The following OLA1 variants were observed in gnomAD, a reference collection of about 807,000 sequenced individuals.
OLA1 encodes Obg like ATPase 1, also known as obg-like ATPase 1.
In OLA1, 14 loss-of-function variants were observed where a neutral mutation model predicts 48.4. The ratio of observed to expected loss-of-function variants is 0.29; its 90% CI spans 0.19 to 0.45. The LOEUF is 0.45. Among genes scored for constraint, OLA1 ranks in the 20% least tolerant of loss-of-function variants. The pLI, the probability that OLA1 is intolerant of heterozygous loss-of-function variation, is 1.00. For synonymous variants in OLA1, 127 were observed against 150.4 expected (o/e 0.84, Z 1.14); for missense variants, 325 against 467.1 (o/e 0.70, Z 2.80).
intron 5 of OLA1, among the ~76,000 whole-genome samples, chr2:174,128,171 TGG>T (rs1686088701): frequency 6.6e-6 from 1 of 151,958 alleles, no homozygotes; most frequent in South Asian, 2.1e-4. Flanking sequence ...GGCAGGAGGC[TGG>T]CTTGAGGCTA....
At chr2:174,226,068 G>A (rs905363411) in intron 3 of OLA1, among the ~76,000 whole-genome samples, 6 of 101,278 alleles carry the variant, frequency 5.9e-5, no homozygotes, top group African/African-American at 2.0e-4. Context: ...GCGTAGTGGC[G>A]GGCGCCTGTA....
At chr2:174,187,298 T>C (rs1028059277) in intron 4 of OLA1, among the ~76,000 whole-genome samples, 4 of 152,202 alleles carry the variant, frequency 2.6e-5, no homozygotes, top group Non-Finnish European at 4.4e-5. Flanking sequence ...TTTGGTGTTA[T>C]TGCCCCAGAA....
At chr2:174,212,176 A>T (rs1688260108) in intron 4 of OLA1, among the ~76,000 whole-genome samples, 1 of 152,254 alleles carries the variant, frequency 6.6e-6, no homozygotes, top group African/African-American at 2.4e-5. Flanking sequence ...AACCTACTAC[A>T]CACCTAGGCT....
chr2:174,130,853 C>A (rs796940277), intron 5 of OLA1, among the ~76,000 whole-genome samples: 4 of 152,220 alleles, frequency 2.6e-5, no homozygotes, highest in African/African-American at 9.6e-5. Context: ...AGCAGATGAA[C>A]TGACTTATGC....
chr2:174,181,193 A>G (rs536844462), intron 4 of OLA1, among the ~76,000 whole-genome samples: 1 of 152,248 alleles, frequency 6.6e-6, no homozygotes, highest in Non-Finnish European at 1.5e-5. Context: ...ATCTGGCAAC[A>G]TAGAGGTCAC....
chr2:174,084,836 A>G (rs1055582312), intron 7 of OLA1, among the ~76,000 whole-genome samples: 2 of 152,232 alleles, frequency 1.3e-5, no homozygotes, highest in Non-Finnish European at 2.9e-5. Flanking sequence ...ATCTCTATGT[A>G]CAAATGTTAG....
At chr2:174,199,254 T>C (rs1687939879) in intron 4 of OLA1, among the ~76,000 whole-genome samples, 1 of 152,164 alleles carries the variant, frequency 6.6e-6, no homozygotes, top group Non-Finnish European at 1.5e-5. Flanking sequence ...CTGGCAGCCA[T>C]TTTCTTGTAA....
rs575190524 is a variant in OLA1 at position 174,217,372 on chromosome 2, A to G, written c.373+5661T>C. ...AGCCACTATACCCAGCCCTATTTTC[A>G]TTTTTAAATCAATACAAATAGCTGC... is the stretch of plus-strand genomic sequence containing the variant. On this transcript the variant is annotated intron_variant, in intron 4 of 10. Transcript: ENST00000284719. Among the ~76,000 whole-genome samples the G allele has an allele frequency of 2.6e-5, 4 of 152,176 alleles. No homozygotes were observed. In the South Asian group the frequency reaches 8.3e-4, roughly 32 times the overall value.
At chr2:174,140,818 T>G (rs1036543912) in intron 5 of OLA1, among the ~76,000 whole-genome samples, 6 of 152,338 alleles carry the variant, frequency 3.9e-5, no homozygotes, top group Admixed American at 1.3e-4. Context: ...ATAAATTGGT[T>G]GATAATTACC....
intron 5 of OLA1, among the ~76,000 whole-genome samples, chr2:174,140,808 A>G (rs193152869): frequency 1.3e-5 from 2 of 152,364 alleles, no homozygotes; most frequent in East Asian, 3.9e-4. Flanking sequence ...AGTAACTGAT[A>G]TAAATTGGTT....
chr2:174,096,983 C>A (rs1414630611), intron 7 of OLA1, among the ~76,000 whole-genome samples: 1 of 152,088 alleles, frequency 6.6e-6, no homozygotes, highest in East Asian at 1.9e-4. Context: ...TGGCGAAACC[C>A]CGTCTCTACT....
intron 7 of OLA1, among the ~76,000 whole-genome samples, chr2:174,114,341 CAAAAAAAAAAAAAAAAAAA>C (rs76471043): frequency 3.3e-5 from 2 of 60,630 alleles, no homozygotes; most frequent in Non-Finnish European, 5.2e-5. Context: ...GACTCCGCCT[CAAAAAAAAAAAAAAAAAAA>C]AAAAAAAAAA....
intron 5 of OLA1, among the ~76,000 whole-genome samples, chr2:174,124,643 G>A (rs1558965339): frequency 6.6e-6 from 1 of 152,242 alleles, no homozygotes; most frequent in Non-Finnish European, 1.5e-5. Flanking sequence ...AGTCATCTGG[G>A]TGTCTGTTGT....
chr2:174,084,885 A>AAAT (rs1304707745), intron 7 of OLA1, among the ~76,000 whole-genome samples: 1 of 152,254 alleles, frequency 6.6e-6, no homozygotes, highest in African/African-American at 2.4e-5. Flanking sequence ...CTAGTGATCA[A>AAAT]AATAATAATG....
intron 7 of OLA1, among the ~76,000 whole-genome samples, chr2:174,108,841 A>C (rs1288686661): frequency 6.6e-6 from 1 of 152,134 alleles, no homozygotes; most frequent in Non-Finnish European, 1.5e-5. Context: ...CTATTTCAAC[A>C]TCCTATTCCA....
At chr2:174,156,757 G>A (rs566600467) in intron 4 of OLA1, among the ~76,000 whole-genome samples, 3 of 151,584 alleles carry the variant, frequency 2.0e-5, no homozygotes, top group Non-Finnish European at 4.4e-5. Flanking sequence ...GCTGATTTTT[G>A]TATTTTTAGT....
At chr2:174,092,226 T>G (rs1240941944) in intron 7 of OLA1, among the ~76,000 whole-genome samples, 14 of 152,052 alleles carry the variant, frequency 9.2e-5, no homozygotes, top group Non-Finnish European at 1.9e-4. Flanking sequence ...GCCAAGGAAC[T>G]TTTCGATTAT....
intron 4 of OLA1, among the ~76,000 whole-genome samples, chr2:174,177,009 T>C (rs1032376425): frequency 2.6e-4 from 40 of 152,116 alleles, no homozygotes; most frequent in African/African-American, 9.4e-4. Flanking sequence ...TTTAGATCGT[T>C]AACTACCACA....
chr2:174,188,875 G>A (rs537627874), intron 4 of OLA1, among the ~76,000 whole-genome samples: 1 of 152,228 alleles, frequency 6.6e-6, no homozygotes, highest in African/African-American at 2.4e-5. Context: ...TTATGTATAT[G>A]CAAATGTTCC....
Sources: gnomAD v4.1 joint callset for allele counts (sites outside exome capture counted in the v4.1 genomes callset) on GRCh38, gnomAD v4.1.1 for gene constraint, MANE v1.5 for transcripts, NCBI Gene and HGNC (gene_info 2026-07-23, HGNC 2026-07-21) for gene names.